BRAF: variants seen among roughly 807,000 people sequenced by gnomAD.
BRAF encodes the protein serine/threonine-protein kinase B-raf.
A neutral mutation model predicts 104.6 loss-of-function variants in BRAF; 16 were observed. The ratio of observed to expected loss-of-function variants is 0.15; its 90% CI spans 0.10 to 0.23. The LOEUF is 0.23. Among genes scored for constraint, BRAF ranks in the 10% least tolerant of loss-of-function variants. The pLI is 1.00. For missense variants in BRAF, 541 were observed against 937.3 expected (o/e 0.58, Z 5.52); for synonymous variants, 310 against 341.6 (o/e 0.91, Z 1.02).
Position 140,724,404 on chromosome 7 carries a change from AAG to A in BRAF, c.*2088_*2089del. Reference sequence around the variant, plus strand: ...AAAGAAAAAACAGCCAATGCTTTTCAAGAGAGGCAGTATTATTGCACAGAAGA... The same window carrying A: ...AAAGAAAAAACAGCCAATGCTTTTCAAGAGGCAGTATTATTGCACAGAAGA... On this transcript the variant is annotated 3_prime_UTR_variant, in exon 20 of 20. Transcript: ENST00000644969. 9.5e-7 allele frequency: 1 copy of A among 1,056,020 alleles called. No individual in the cohort carries two copies. Among genetic ancestry groups the A allele is most frequent in the Non-Finnish European group, 1.1e-6 (1 of 873,586 alleles). The allele number at this position is 1,056,020 out of a possible 1,614,324, so 65.4% of individuals were successfully genotyped here.
intron 3 of BRAF, among the ~76,000 whole-genome samples, chr7:140,827,892 TTTTA>T (rs1170872336): frequency 1.3e-4 from 20 of 152,252 alleles, no homozygotes; most frequent in African/African-American, 3.4e-4. Context: ...GACACTGAAA[TTTTA>T]TTTATTTATT....
intron 14 of BRAF, among the ~76,000 whole-genome samples, chr7:140,765,463 C>T (rs1174641395): frequency 6.6e-6 from 1 of 152,098 alleles, no homozygotes; most frequent in African/African-American, 2.4e-5. Context: ...TCTAACTAAA[C>T]TAAAGAGCTT....
chr7:140,804,808 T>C (rs1803492890), intron 5 of BRAF, among the ~76,000 whole-genome samples: 1 of 148,926 alleles, frequency 6.7e-6, no homozygotes, highest in Non-Finnish European at 1.5e-5. Flanking sequence ...ACTTTTCTTT[T>C]TCTTTTCTTT....
downstream of BRAF, among the ~76,000 whole-genome samples, chr7:140,716,728 T>C (rs138336827): frequency 3.4e-3 from 523 of 152,342 alleles, 3 homozygotes; most frequent in African/African-American, 0.012. Flanking sequence ...GTTAGTTTCC[T>C]AGGGAACCTT....
Position 140,721,227 on chromosome 7 carries a change from T to A in BRAF, c.*5267A>T. On this transcript the variant is annotated 3_prime_UTR_variant, in exon 20 of 20. Coordinates refer to ENST00000644969, the MANE Select transcript of BRAF (RefSeq NM_001374258.1). Reference sequence around the variant, plus strand: ...TTTAGTAATTAATAAAACTTAACAGTTGAAGTTGTGGATGTTAAATAAAAG... The same window carrying A: ...TTTAGTAATTAATAAAACTTAACAGATGAAGTTGTGGATGTTAAATAAAAG... 1 of 1,090,548 alleles carries A rather than the reference T, an allele frequency of 9.2e-7. No individual in the cohort carries two copies. Among genetic ancestry groups the A allele is most frequent in the Non-Finnish European group, 1.1e-6 (1 of 896,396 alleles). 67.6% of individuals were successfully genotyped at this position (1,090,548 alleles called of 1,614,324 possible).
chr7:140,873,590 T>C (rs998744530), intron 1 of BRAF, among the ~76,000 whole-genome samples: 3 of 152,194 alleles, frequency 2.0e-5, no homozygotes, highest in African/African-American at 7.2e-5. Context: ...TGACAATTGA[T>C]TTGGAGTGCT....
intron 1 of BRAF, among the ~76,000 whole-genome samples, chr7:140,897,138 T>TA (rs1414344734): frequency 3.3e-5 from 5 of 149,390 alleles, no homozygotes; most frequent in African/African-American, 4.9e-5. Context: ...CGTGGAAGAG[T>TA]GAATGAGCAT....
intron 4 of BRAF, among the ~76,000 whole-genome samples, chr7:140,808,610 T>C (rs1052204447): frequency 5.3e-5 from 8 of 151,994 alleles, no homozygotes; most frequent in African/African-American, 1.9e-4. Context: ...TAAGAGTCTA[T>C]TATCCAAATA....
Position 140,753,989 on chromosome 7 carries a change from T to C in BRAF, c.1861+198A>G, listed in dbSNP as rs111909636. ...TAAAGACTTCTGATAGATTTTCTTG[T>C]AATGTTCAGTTGTCGAGAAACCAAA... On this transcript the variant is annotated intron_variant, in intron 15 of 19. Coordinates refer to ENST00000644969, the MANE Select transcript of BRAF (RefSeq NM_001374258.1). The C allele has an allele frequency of 1.2e-5, 7 of 607,050 alleles. No homozygotes were observed. In the African/African-American group the frequency reaches 1.3e-4, roughly 11 times the overall value. The allele number at this position is 607,050 out of a possible 1,614,324, so 37.6% of individuals were successfully genotyped here. A position where few individuals can be genotyped will look rare whatever the true frequency, so the allele number is the denominator to read the frequency against.
At chr7:140,766,787 T>G (rs1395822595) in intron 14 of BRAF, among the ~76,000 whole-genome samples, 1 of 151,992 alleles carries the variant, frequency 6.6e-6, no homozygotes, top group Non-Finnish European at 1.5e-5. Flanking sequence ...TGGGCTCAAG[T>G]GATCCACCAG....
Position 140,721,729 on chromosome 7 carries a change from T to C in BRAF, c.*4765A>G, listed in dbSNP as rs1204790730. 6.6e-7 allele frequency: 1 copy of C among 1,515,932 alleles called. No homozygotes were observed. Among genetic ancestry groups the C allele is most frequent in the Non-Finnish European group, 8.8e-7 (1 of 1,138,716 alleles). 93.9% of individuals were successfully genotyped at this position (1,515,932 alleles called of 1,614,324 possible). On this transcript the variant is annotated 3_prime_UTR_variant, in exon 20 of 20. Transcript: ENST00000644969. ...TGTGCTGGAGACAATACATGGACTT[T>C]CTCTTTCAATGGTGAGGAATGAAAC...
chr7:140,792,646 C>G (rs1029841187), intron 8 of BRAF, among the ~76,000 whole-genome samples: 1 of 152,174 alleles, frequency 6.6e-6, no homozygotes, highest in East Asian at 1.9e-4. Flanking sequence ...TTTATTACCC[C>G]CTTCTCTAAA....
chr7:140,880,264 GA>G (rs1305147455), intron 1 of BRAF, among the ~76,000 whole-genome samples: 1 of 152,134 alleles, frequency 6.6e-6, no homozygotes, highest in Non-Finnish European at 1.5e-5. Flanking sequence ...TCTTCAGCAG[GA>G]GTAAACCCCA....
chr7:140,887,305 C>T (rs905963886), intron 1 of BRAF, among the ~76,000 whole-genome samples: 1 of 152,150 alleles, frequency 6.6e-6, no homozygotes, highest in Non-Finnish European at 1.5e-5. Flanking sequence ...TCAGTTAAAT[C>T]AGGGAATCAT....
chr7:140,770,947 A>C (rs1020003672), intron 14 of BRAF, among the ~76,000 whole-genome samples: 2 of 151,382 alleles, frequency 1.3e-5, no homozygotes, highest in Admixed American at 1.3e-4. Flanking sequence ...AAAAAAAAAA[A>C]ACCAAAAAAG....
intron 1 of BRAF, among the ~76,000 whole-genome samples, chr7:140,871,234 C>T (rs1207400814): frequency 7.2e-5 from 9 of 124,988 alleles, no homozygotes; most frequent in South Asian, 2.6e-4. Context: ...AGCAAGACTC[C>T]GTCTCAAAAA....
chr7:140,790,565 C>T (rs1394629257), intron 8 of BRAF, among the ~76,000 whole-genome samples: 2 of 152,118 alleles, frequency 1.3e-5, no homozygotes, highest in African/African-American at 4.8e-5. Context: ...ATAAGCAATT[C>T]AAACCACTAT....
chr7:140,885,605 A>T (rs1813473722), intron 1 of BRAF, among the ~76,000 whole-genome samples: 2 of 152,362 alleles, frequency 1.3e-5, no homozygotes, highest in African/African-American at 4.8e-5. Flanking sequence ...GGTCTGTGTT[A>T]CAATGTAGTT....
chr7:140,908,851 C>T (rs1052373374), intron 1 of BRAF, among the ~76,000 whole-genome samples: 15 of 135,948 alleles, frequency 1.1e-4, no homozygotes, highest in Non-Finnish European at 2.4e-4. Context: ...AAACCAAAGC[C>T]CAACTTGTAC....
Sources: gnomAD v4.1 joint callset for allele counts (sites outside exome capture counted in the v4.1 genomes callset) on GRCh38, gnomAD v4.1.1 for gene constraint, MANE v1.5 for transcripts, NCBI Gene and HGNC (gene_info 2026-07-23, HGNC 2026-07-21) for gene names.